CACNG3: variants seen among roughly 807,000 people sequenced by gnomAD.
CACNG3 encodes the protein voltage-dependent calcium channel gamma-3 subunit.
Under a neutral mutation model 28.5 loss-of-function variants are expected in CACNG3, and 3 were observed. That is an observed-to-expected ratio of 0.11 (90% confidence interval 0.05 to 0.27). CACNG3 has a LOEUF of 0.27. Ranked by LOEUF, CACNG3 falls within the 10% of genes least tolerant of loss-of-function variation. The pLI, the probability that CACNG3 is intolerant of heterozygous loss-of-function variation, is 1.00. For missense variants in CACNG3, 236 were observed against 414.4 expected (o/e 0.57, Z 3.74); for synonymous variants, 174 against 162.2 (o/e 1.07, Z -0.55).
chr16:24,346,880 C>A (rs1224187121), intron 2 of CACNG3, 63 bp downstream of exon 2: 3 of 1,302,064 alleles, frequency 2.3e-6, no homozygotes, highest in Non-Finnish European at 3.3e-6. Context: ...CATCACTCAG[C>A]TGCCTCTGAG....
At chr16:24,267,989 C>G (rs765825342) in intron 1 of CACNG3, among the ~76,000 whole-genome samples, 12 of 152,174 alleles carry the variant, frequency 7.9e-5, no homozygotes, top group Non-Finnish European at 1.5e-4. Context: ...GGGCCAGCCC[C>G]TGAGCATTTA....
intron 1 of CACNG3, among the ~76,000 whole-genome samples, chr16:24,313,490 A>AT (rs1002308776): frequency 2.8e-4 from 42 of 152,116 alleles, no homozygotes; most frequent in African/African-American, 6.0e-4. Context: ...TTACTTATTT[A>AT]TATTTGTTTT....
At chr16:24,349,695 C>T (rs1462382516) in intron 2 of CACNG3, among the ~76,000 whole-genome samples, 6 of 152,164 alleles carry the variant, frequency 3.9e-5, no homozygotes, top group Non-Finnish European at 7.3e-5. Flanking sequence ...TCATCACCAT[C>T]TTGGTTTTGG....
At chr16:24,350,747 C>T (rs1027184339) in intron 2 of CACNG3, among the ~76,000 whole-genome samples, 5 of 152,132 alleles carry the variant, frequency 3.3e-5, no homozygotes, top group African/African-American at 9.7e-5. Flanking sequence ...ACATTGAATA[C>T]TCAAGCAATT....
At chr16:24,269,521 G>A (rs888108503) in intron 1 of CACNG3, among the ~76,000 whole-genome samples, 5 of 152,078 alleles carry the variant, frequency 3.3e-5, no homozygotes, top group African/African-American at 1.2e-4. Context: ...GGAGGTCAAG[G>A]TGGGTGGATC....
intron 3 of CACNG3, among the ~76,000 whole-genome samples, chr16:24,357,236 A>G (rs1250416900): frequency 4.6e-5 from 5 of 107,814 alleles, no homozygotes; most frequent in Non-Finnish European, 9.9e-5. Context: ...CCATCTTAAA[A>G]AAAAAAAAAA....
At chr16:24,354,161 C>T (rs878929385) in intron 2 of CACNG3, among the ~76,000 whole-genome samples, 3 of 152,126 alleles carry the variant, frequency 2.0e-5, no homozygotes, top group Admixed American at 1.3e-4. Flanking sequence ...CACTGCACTC[C>T]AGCCAGAGTG....
intron 1 of CACNG3, among the ~76,000 whole-genome samples, chr16:24,265,294 G>C (rs1308907308): frequency 7.0e-6 from 1 of 142,038 alleles, no homozygotes; most frequent in Non-Finnish European, 1.5e-5. Context: ...AAGGGAGGAA[G>C]GAAGGAAGGA....
intron 1 of CACNG3, among the ~76,000 whole-genome samples, chr16:24,313,736 T>TTTTA (rs751561512): frequency 3.2e-4 from 48 of 151,754 alleles, no homozygotes; most frequent in East Asian, 7.8e-4. Flanking sequence ...ACTTTTATGT[T>TTTTA]TTTATTTATT....
At chr16:24,259,188 G>T (rs760050392) in intron 1 of CACNG3, among the ~76,000 whole-genome samples, 1 of 152,140 alleles carries the variant, frequency 6.6e-6, no homozygotes, top group Non-Finnish European at 1.5e-5. Flanking sequence ...TCACTTTTTT[G>T]AAGTATTAAA....
intron 1 of CACNG3, among the ~76,000 whole-genome samples, chr16:24,299,547 G>A (rs1649884631): frequency 6.6e-6 from 1 of 152,166 alleles, no homozygotes; most frequent in South Asian, 2.1e-4. Flanking sequence ...TGTGCTCATT[G>A]CTATTGGGAT....
At chr16:24,269,824 G>C (rs1404817496) in intron 1 of CACNG3, among the ~76,000 whole-genome samples, 1 of 144,706 alleles carries the variant, frequency 6.9e-6, no homozygotes, top group Non-Finnish European at 1.5e-5. Flanking sequence ...AAAGGAGAAA[G>C]AAAGACAAAA....
chr16:24,360,099 G>A (rs1163305914), intron 3 of CACNG3, among the ~76,000 whole-genome samples: 6 of 152,082 alleles, frequency 3.9e-5, no homozygotes, highest in East Asian at 1.9e-4. Flanking sequence ...AACTGTTGTC[G>A]GAAACTATAA....
At chr16:24,306,118 T>G (rs1899182365) in intron 1 of CACNG3, among the ~76,000 whole-genome samples, 1 of 152,232 alleles carries the variant, frequency 6.6e-6, no homozygotes, top group African/African-American at 2.4e-5. Flanking sequence ...TTTCTTCCTC[T>G]GGTGCCATTC....
At chr16:24,267,067 C>T (rs184065343) in intron 1 of CACNG3, among the ~76,000 whole-genome samples, 7 of 150,550 alleles carry the variant, frequency 4.6e-5, no homozygotes, top group East Asian at 3.9e-4. Flanking sequence ...CCTGGGTTCA[C>T]GCCATTCTCC....
At position 24,333,061 on chromosome 16, in the gene CACNG3, G is replaced by A. The variant is rs568789964; in HGVS notation, c.212-13673G>A. Among the ~76,000 whole-genome samples, 11 of 152,282 alleles carry A rather than the reference G, an allele frequency of 7.2e-5. No homozygotes were observed. In the South Asian group the frequency reaches 1.5e-3, roughly 20 times the overall value. Reference sequence around the variant, plus strand: ...ATTAACAGGAGCCCTTAGGAAAACTGATGACAGGCTCAAATATTGCTTGCA... The same window carrying A: ...ATTAACAGGAGCCCTTAGGAAAACTAATGACAGGCTCAAATATTGCTTGCA... On this transcript the variant is annotated intron_variant, in intron 1 of 3. Transcript: ENST00000005284.
At chr16:24,274,201 C>A (rs12928174) in intron 1 of CACNG3, among the ~76,000 whole-genome samples, 28,061 of 125,208 alleles carry the variant, frequency 0.22, 2,912 homozygotes, top group East Asian at 0.37. Context: ...AAAAAAAAAA[C>A]AAAAAAAAAA....
intron 1 of CACNG3, among the ~76,000 whole-genome samples, chr16:24,261,781 T>G (rs1898540140): frequency 6.6e-6 from 1 of 152,160 alleles, no homozygotes; most frequent in Non-Finnish European, 1.5e-5. Flanking sequence ...ACATCAAACA[T>G]CTCGCTGAAA....
Position 24,256,376 on chromosome 16 carries a change from C to A in CACNG3, c.-379C>A. 3.7e-6 allele frequency: 1 copy of A among 270,772 alleles called. No homozygotes were observed. Among genetic ancestry groups the A allele is most frequent in the South Asian group, 4.9e-5 (1 of 20,480 alleles). The allele number at this position is 270,772 out of a possible 1,614,324, so 16.8% of individuals were successfully genotyped here. ...CTCTCTGGGTTTCTTTGCCTTGAGT[C>A]TCCCGGGGCTGTGAGAAGCCAGGCG... On this transcript the variant is annotated 5_prime_UTR_variant, in exon 1 of 4. Transcript: ENST00000005284. This position sits in a 1 kb window ranked among gnomAD's most constrained non-coding sequence, Gnocchi z 4.6.
Sources: gnomAD v4.1 joint callset for allele counts (sites outside exome capture counted in the v4.1 genomes callset) on GRCh38, gnomAD v4.1.1 for gene constraint, Gnocchi (gnomAD v3.1) non-coding constraint, MANE v1.5 for transcripts, NCBI Gene and HGNC (gene_info 2026-07-23, HGNC 2026-07-21) for gene names.